Variants in EPHA3 observed in about 807,000 individuals in gnomAD.
The protein encoded by EPHA3 is ephrin type-A receptor 3.
In EPHA3, 42 loss-of-function variants were observed where a neutral mutation model predicts 107.1. That is an observed-to-expected ratio of 0.39 (90% confidence interval 0.31 to 0.51). The LOEUF (loss-of-function observed/expected upper bound fraction) is 0.51, where lower values mean the gene tolerates loss of function less well. Ranked by LOEUF, EPHA3 falls within the 20% of genes least tolerant of loss-of-function variation. The probability of loss-of-function intolerance (pLI) is 0.78; values close to 1 mark genes in which losing one functional copy is unlikely to be tolerated. For missense variants in EPHA3, 1,183 were observed against 1,211.2 expected, an observed-to-expected ratio of 0.98 and a Z score of 0.35; for synonymous variants, 461 against 424.8, an observed-to-expected ratio of 1.09 and a Z score of -1.05.
chr3:89,412,423 G>A (rs1384152483), intron 9 of EPHA3, among the ~76,000 whole-genome samples: 1 of 151,282 alleles, frequency 6.6e-6, no homozygotes, highest in Non-Finnish European at 1.5e-5. Context: ...TCAACTCATA[G>A]ACAATATTTA....
rs1042358778 is a variant in EPHA3 at position 89,351,313 on chromosome 3, C to G, written c.1306+9223C>G. On this transcript the variant is annotated intron_variant, in intron 5 of 16. Transcript: ENST00000336596. ...CTCTGAGCCAGGTGTGGGATATAGT[C>G]TCGTGGTGCGCTGTTTTTTAAGCCG... 2.6e-5 allele frequency among the ~76,000 whole-genome samples: 4 copies of G among 151,396 alleles called. 1 individual carries two copies. The highest frequency in any genetic ancestry group is 5.9e-5 in the Non-Finnish European group (4 of 67,634).
intron 3 of EPHA3, among the ~76,000 whole-genome samples, chr3:89,275,015 T>C (rs1705771321): frequency 6.6e-6 from 1 of 152,064 alleles, no homozygotes; most frequent in South Asian, 2.1e-4. Context: ...CATTAATACT[T>C]TCAGAACTTT....
chr3:89,150,475 C>A (rs1210443611), intron 2 of EPHA3, among the ~76,000 whole-genome samples: 2 of 151,746 alleles, frequency 1.3e-5, no homozygotes, highest in East Asian at 1.9e-4. Flanking sequence ...TAGAGGGTAC[C>A]CATGCACCTC....
At chr3:89,452,653 T>C (rs1710017430) in intron 15 of EPHA3, among the ~76,000 whole-genome samples, 1 of 152,188 alleles carries the variant, frequency 6.6e-6, no homozygotes, top group African/African-American at 2.4e-5. Flanking sequence ...GGATTGCCTT[T>C]CATTTTCTTG....
intron 3 of EPHA3, among the ~76,000 whole-genome samples, chr3:89,312,228 A>G (rs1706780227): frequency 6.6e-6 from 1 of 152,042 alleles, no homozygotes; most frequent in Admixed American, 6.6e-5. Flanking sequence ...GACTTAGTGC[A>G]CTTAAAGATT....
chr3:89,231,604 C>T (rs9817310), intron 3 of EPHA3, among the ~76,000 whole-genome samples: 74,935 of 151,822 alleles, frequency 0.49, 19,619 homozygotes, highest in East Asian at 0.69. Context: ...CTGGTGATCC[C>T]GTTAGAAGTG....
At chr3:89,409,912 T>C (rs1037387943) in intron 9 of EPHA3, among the ~76,000 whole-genome samples, 36 of 152,100 alleles carry the variant, frequency 2.4e-4, no homozygotes, top group Non-Finnish European at 2.9e-5. Context: ...AAAATGGAAA[T>C]GTAAATTATT....
intron 5 of EPHA3, among the ~76,000 whole-genome samples, chr3:89,383,489 A>C (rs1270782365): frequency 2.0e-5 from 3 of 152,130 alleles, no homozygotes; most frequent in African/African-American, 7.2e-5. Context: ...GAATCCTGCA[A>C]GCATCCACCT....
chr3:89,119,292 G>A (rs1174373062), intron 1 of EPHA3, among the ~76,000 whole-genome samples: 1 of 151,996 alleles, frequency 6.6e-6, no homozygotes, highest in East Asian at 1.9e-4. Flanking sequence ...ACTTCTGTAG[G>A]TGCTATTCCT....
At chr3:89,131,411 C>A (rs966085942) in intron 2 of EPHA3, among the ~76,000 whole-genome samples, 2 of 152,102 alleles carry the variant, frequency 1.3e-5, no homozygotes, top group African/African-American at 4.8e-5. Flanking sequence ...TAAAAACAGC[C>A]TTTTGCTTAC....
intron 3 of EPHA3, among the ~76,000 whole-genome samples, chr3:89,235,489 C>A (rs909829473): frequency 6.6e-6 from 1 of 151,998 alleles, no homozygotes; most frequent in African/African-American, 2.4e-5. Context: ...ACTCTCATTC[C>A]TGACTTTAAT....
At chr3:89,307,106 TTCCTCA>T (rs1167621345) in intron 3 of EPHA3, among the ~76,000 whole-genome samples, 1 of 152,192 alleles carries the variant, frequency 6.6e-6, no homozygotes, top group African/African-American at 2.4e-5. Context: ...TAAATTCCTA[TTCCTCA>T]TGTGCATTGA....
intron 5 of EPHA3, among the ~76,000 whole-genome samples, chr3:89,365,159 T>G (rs1243768047): frequency 6.6e-6 from 1 of 150,890 alleles, no homozygotes; most frequent in Non-Finnish European, 1.5e-5. Context: ...AGAAAGGTTT[T>G]CTTGAAGAGG....
rs1709764248 is a variant in EPHA3 at position 89,440,592 on chromosome 3, T to C, written c.2347-8633T>C. Among the ~76,000 whole-genome samples, 3 of 152,324 alleles carry C rather than the reference T, an allele frequency of 2.0e-5. No individual in the cohort carries two copies. The South Asian group carries it at 6.2e-4, about 32-fold the overall frequency. ...TGAAAAATTCAGGCTTTTAGCCACA[T>C]GTCTCATTGAACTGTCTAAATTCAT... On this transcript the variant is annotated intron_variant, in intron 13 of 16. Coordinates refer to ENST00000336596, the MANE Select transcript of EPHA3 (RefSeq NM_005233.6).
chr3:89,247,652 A>C (rs1266553866), intron 3 of EPHA3, among the ~76,000 whole-genome samples: 1 of 152,222 alleles, frequency 6.6e-6, no homozygotes, highest in African/African-American at 2.4e-5. Context: ...GATCATAGGA[A>C]ATATGAGGCA....
chr3:89,454,519 C>A (rs1710059598), intron 15 of EPHA3, among the ~76,000 whole-genome samples: 1 of 152,162 alleles, frequency 6.6e-6, no homozygotes. Context: ...TGACCTGGAC[C>A]ACTGCAATAG....
intron 1 of EPHA3, among the ~76,000 whole-genome samples, chr3:89,117,791 A>G (rs1707291415): frequency 6.6e-6 from 1 of 152,068 alleles, no homozygotes; most frequent in Admixed American, 6.6e-5. Context: ...AATCTTGTTC[A>G]TTTTCCCCAA....
intron 3 of EPHA3, among the ~76,000 whole-genome samples, chr3:89,293,364 C>G (rs1706263585): frequency 6.6e-6 from 1 of 152,018 alleles, no homozygotes; most frequent in Non-Finnish European, 1.5e-5. Flanking sequence ...TGATGAGGTC[C>G]AACTTATCAA....
At chr3:89,113,485 CAAAAAAAA>C (rs753848304) in intron 1 of EPHA3, among the ~76,000 whole-genome samples, 418 of 31,092 alleles carry the variant, frequency 0.013, 3 homozygotes, top group African/African-American at 0.038. Flanking sequence ...TTCCTTTGTA[CAAAAAAAA>C]AAAAAAAAAA....
Sources: allele counts gnomAD v4.1 joint callset (sites outside exome capture counted in the v4.1 genomes callset), GRCh38; gene constraint gnomAD v4.1.1; transcripts MANE v1.5; gene names NCBI Gene and HGNC (gene_info 2026-07-23, HGNC 2026-07-21).